HIPK3: variants seen among roughly 807,000 people sequenced by gnomAD.
HIPK3 encodes homeodomain-interacting protein kinase 3.
HIPK3 carries 47 observed loss-of-function variants against 124.2 expected under a neutral mutation model. The observed-to-expected ratio is 0.38, with a 90% CI of 0.30 to 0.48. HIPK3 has a LOEUF of 0.48. Ranked by LOEUF, HIPK3 falls within the 20% of genes least tolerant of loss-of-function variation. The probability of loss-of-function intolerance (pLI) is 0.98; values close to 1 mark genes in which losing one functional copy is unlikely to be tolerated. For missense variants in HIPK3, 1,286 were observed against 1,454.3 expected (o/e 0.88, Z 1.88); for synonymous variants, 482 against 515.2 (o/e 0.94, Z 0.87).
chr11:33,301,032 A>C (rs6484653), intron 2 of HIPK3, among the ~76,000 whole-genome samples: 2 of 151,996 alleles, frequency 1.3e-5, no homozygotes, highest in Non-Finnish European at 2.9e-5. Context: ...TTCTATGTCT[A>C]TCTGTTTGTA....
At chr11:33,259,007 C>T (rs1850752782) in intron 1 of HIPK3, among the ~76,000 whole-genome samples, 1 of 152,088 alleles carries the variant, frequency 6.6e-6, no homozygotes, top group Non-Finnish European at 1.5e-5. Flanking sequence ...TGGTACAGGG[C>T]CGGAAAAGTT....
chr11:33,299,201 C>T (rs1227341700), intron 2 of HIPK3, among the ~76,000 whole-genome samples: 3 of 149,548 alleles, frequency 2.0e-5, no homozygotes, highest in Admixed American at 6.7e-5. Flanking sequence ...GGGCCGGGCG[C>T]GGTGGCTCAC....
intron 2 of HIPK3, among the ~76,000 whole-genome samples, chr11:33,302,342 C>CTTTTTTTTTTTTTTTTTTT (rs58735030): frequency 2.5e-4 from 34 of 135,696 alleles, no homozygotes; most frequent in Non-Finnish European, 4.9e-4. Context: ...TTCCTTACTT[C>CTTTTTTTTTTTTTTTTTTT]TTTTTTTTTT....
chr11:33,311,278 T>G (rs544037578), intron 2 of HIPK3, among the ~76,000 whole-genome samples: 10 of 152,304 alleles, frequency 6.6e-5, no homozygotes, highest in African/African-American at 2.4e-4. Context: ...ATTGACCCCC[T>G]GGGCTCCAGT....
At chr11:33,315,552 A>G (rs1196392598) in intron 2 of HIPK3, among the ~76,000 whole-genome samples, 1 of 152,038 alleles carries the variant, frequency 6.6e-6, no homozygotes, top group African/African-American at 2.4e-5. Flanking sequence ...TTGTAGAGAC[A>G]AGGTCTTGCT....
At chr11:33,319,803 T>C (rs1317475155) in intron 2 of HIPK3, among the ~76,000 whole-genome samples, 4 of 152,220 alleles carry the variant, frequency 2.6e-5, no homozygotes, top group Admixed American at 2.6e-4. Context: ...GAATTTATGT[T>C]CTAGTGGGGG....
rs1565099455 is a variant in HIPK3 at position 33,349,224 on chromosome 11, A to G, written c.2744A>G (p.Asp915Gly). The G allele has an allele frequency of 6.2e-7, 1 of 1,613,882 alleles. No homozygotes were observed. The highest frequency in any genetic ancestry group is 1.3e-5 in the African/African-American group (1 of 75,032). Residue 915 changes from aspartate to glycine, a missense_variant, in exon 14 of 17, where the codon GAT becomes GGT. Physicochemically the swap from Asp to Gly is moderately conservative, Grantham distance 94 (BLOSUM62 -1). Coordinates refer to ENST00000303296, the MANE Select transcript of HIPK3 (RefSeq NM_005734.5). ...CGGATGTGTTCATTAAGTAGTCCTGATAGTACTCTGAGTACCAGCTCCTCA... is the reference window on the plus strand; with the variant it reads ...CGGATGTGTTCATTAAGTAGTCCTGGTAGTACTCTGAGTACCAGCTCCTCA... Reference protein sequence around the residue: ...IDRMCSLSSPDSTLSTSSSGQ... With the variant: ...IDRMCSLSSPGSTLSTSSSGQ...
At chr11:33,338,701 G>T in intron 4 of HIPK3, 56 bp from the exon 5 acceptor site, 1 of 1,124,532 alleles carries the variant, frequency 8.9e-7, no homozygotes, top group African/African-American at 1.6e-5. Flanking sequence ...AAATGTGCCA[G>T]GATTAAAGAA....
At chr11:33,333,187 T>G (rs1853040622) in intron 3 of HIPK3, among the ~76,000 whole-genome samples, 1 of 152,174 alleles carries the variant, frequency 6.6e-6, no homozygotes, top group Non-Finnish European at 1.5e-5. Context: ...GATCTAAGAA[T>G]GGAACTATAA....
rs1851278156 is a variant in HIPK3 at position 33,276,662 on chromosome 11, A to AAT, written c.-2-9746_-2-9745dup. Among the ~76,000 whole-genome samples, 6 of 152,272 alleles carry AAT rather than the reference A, an allele frequency of 3.9e-5. 1 individual carries two copies. The South Asian group carries it at 1.2e-3, about 32-fold the overall frequency. On this transcript the variant is annotated intron_variant, in intron 1 of 16. Coordinates refer to ENST00000303296, the MANE Select transcript of HIPK3 (RefSeq NM_005734.5). ...TATGGCTGATTGGTTATGTTAATAA[A>AAT]ATATATCTAAAATGATCGTATTTTT...
intron 2 of HIPK3, among the ~76,000 whole-genome samples, chr11:33,306,153 T>G (rs1344262285): frequency 1.3e-5 from 2 of 152,246 alleles, no homozygotes; most frequent in African/African-American, 4.8e-5. Flanking sequence ...AATTGGTATA[T>G]CAACATTTAT....
chr11:33,331,613 A>G (rs1161793849), intron 3 of HIPK3, among the ~76,000 whole-genome samples: 2 of 152,110 alleles, frequency 1.3e-5, no homozygotes, highest in Non-Finnish European at 1.5e-5. Context: ...TCCTGGGCTT[A>G]AGCCATCCTC....
intron 2 of HIPK3, among the ~76,000 whole-genome samples, chr11:33,307,908 A>G (rs772962740): frequency 2.0e-5 from 3 of 152,078 alleles, no homozygotes; most frequent in Non-Finnish European, 4.4e-5. Context: ...TAATTTTAAT[A>G]ATTTTAATAT....
intron 2 of HIPK3, among the ~76,000 whole-genome samples, chr11:33,328,258 T>A (rs1159926523): frequency 1.3e-5 from 2 of 152,218 alleles, no homozygotes; most frequent in Non-Finnish European, 2.9e-5. Context: ...CAAAAAATGT[T>A]ATGTTAGTAA....
chr11:33,258,211 C>T (rs1022606429), intron 1 of HIPK3: 1 of 719,176 alleles, frequency 1.4e-6, no homozygotes, highest in Non-Finnish European at 1.7e-6. Flanking sequence ...CTCGGCCCCC[C>T]CTCCCCCTGC....
At chr11:33,350,445 T>A (rs946965795) in intron 14 of HIPK3, among the ~76,000 whole-genome samples, 2 of 150,714 alleles carry the variant, frequency 1.3e-5, no homozygotes, top group Non-Finnish European at 2.9e-5. Context: ...GGCAGGAGGA[T>A]CACTTGAGGC....
intron 1 of HIPK3, among the ~76,000 whole-genome samples, chr11:33,269,626 T>C (rs538374956): frequency 6.6e-6 from 1 of 151,854 alleles, no homozygotes; most frequent in South Asian, 2.1e-4. Flanking sequence ...TCTGTTTCTT[T>C]TTCTGTTTCT....
At chr11:33,283,284 G>A (rs11032219) in intron 1 of HIPK3, among the ~76,000 whole-genome samples, 19,852 of 151,924 alleles carry the variant, frequency 0.13, 1,826 homozygotes, top group East Asian at 0.33. Flanking sequence ...CTAATTTTTT[G>A]TATTTTTAGT....
chr11:33,277,480 A>G (rs1851303234), intron 1 of HIPK3, among the ~76,000 whole-genome samples: 1 of 151,994 alleles, frequency 6.6e-6, no homozygotes, highest in South Asian at 2.1e-4. Context: ...CAATTGGTAT[A>G]TTTTCTTTTT....
Sources: allele counts gnomAD v4.1 joint callset (sites outside exome capture counted in the v4.1 genomes callset), GRCh38; gene constraint gnomAD v4.1.1; transcripts MANE v1.5; gene names NCBI Gene and HGNC (gene_info 2026-07-23, HGNC 2026-07-21).